LRRFIP1: variants seen among roughly 807,000 people sequenced by gnomAD.
The protein encoded by LRRFIP1 is LRR binding FLII interacting protein 1, also known as leucine-rich repeat flightless-interacting protein 1.
Under a neutral mutation model 104.4 loss-of-function variants are expected in LRRFIP1, and 62 were observed. That is an observed-to-expected ratio of 0.59 (90% CI 0.48 to 0.73). The LOEUF is 0.73. LRRFIP1 is among the 30% of genes least tolerant of loss of function. The pLI is 0.00. For synonymous variants in LRRFIP1, 300 were observed against 299.0 expected (o/e 1.00, Z -0.03); for missense variants, 796 against 824.5 (o/e 0.97, Z 0.42).
intron 1 of LRRFIP1, among the ~76,000 whole-genome samples, chr2:237,673,179 G>GA (rs201006356): frequency 0.015 from 2,222 of 151,018 alleles, 51 homozygotes; most frequent in African/African-American, 0.05. Flanking sequence ...CTGTTTCAGT[G>GA]AAAAAAAAAT....
At chr2:237,664,409 G>C (rs2088771958) in intron 1 of LRRFIP1, among the ~76,000 whole-genome samples, 1 of 152,258 alleles carries the variant, frequency 6.6e-6, no homozygotes, top group South Asian at 2.1e-4. Context: ...ATCAGCAAAT[G>C]ACGGGGCCTC....
chr2:237,719,426 C>T, intron 4 of LRRFIP1, 97 bp from the exon 5 acceptor site: 1 of 760,008 alleles, frequency 1.3e-6, no homozygotes, highest in Non-Finnish European at 2.3e-6. Context: ...ATCAGAACTG[C>T]TGTATTATGG....
rs2094219042 is a variant in LRRFIP1, at chr2:237,713,976, C to T, written c.184-283C>T. Reference sequence around the variant, plus strand: ...AGGAAGTACTTTTTCTCATTGATGGCAATAGGTTATACAGACTTCTGTATT... The same window carrying T: ...AGGAAGTACTTTTTCTCATTGATGGTAATAGGTTATACAGACTTCTGTATT... On this transcript the variant is annotated intron_variant, in intron 2 of 23. Coordinates refer to ENST00000308482, the MANE Select transcript of LRRFIP1 (RefSeq NM_001137550.2). Among the ~76,000 whole-genome samples, 6 of 152,272 alleles carry T rather than the reference C, an allele frequency of 3.9e-5. 1 individual carries two copies. The South Asian group carries it at 1.2e-3, about 32-fold the overall frequency.
At chr2:237,753,279 A>T (rs748236231) in intron 14 of LRRFIP1, 30 bp from the exon 15 acceptor site, 1 of 1,530,934 alleles carries the variant, frequency 6.5e-7, no homozygotes, top group African/African-American at 1.4e-5. Context: ...TTTTTATTGC[A>T]ATTTCAAAAA....
In LRRFIP1 at chr2:237,749,181, A is replaced by C; in HGVS notation, c.670-18A>C. 1 of 1,610,664 alleles carries C rather than the reference A, an allele frequency of 6.2e-7. No homozygotes were observed. The highest frequency in any genetic ancestry group is 8.5e-7 in the Non-Finnish European group (1 of 1,179,094). On this transcript the variant is annotated intron_variant, in intron 12 of 23. Coordinates refer to ENST00000308482, the MANE Select transcript of LRRFIP1 (RefSeq NM_001137550.2). ...CAGAGCTAAACCATATCAGCATGTGATCCTCTCAACGTTCCAGGGGTCTCG... is the reference window on the plus strand; with the variant it reads ...CAGAGCTAAACCATATCAGCATGTGCTCCTCTCAACGTTCCAGGGGTCTCG...
chr2:237,763,005 T>C, intron 19 of LRRFIP1: 1 of 1,614,100 alleles, frequency 6.2e-7, no homozygotes, highest in Non-Finnish European at 8.5e-7. Flanking sequence ...GTGACTCAGG[T>C]TGAAGAGCAG....
rs1209238053 is a variant in LRRFIP1 at position 237,763,350 on chromosome 2, A to T, written c.1459+3145A>T. The T allele has an allele frequency of 3.1e-6, 5 of 1,614,024 alleles. No homozygotes were observed. The highest frequency in any genetic ancestry group is 3.3e-5 in the Admixed American group (2 of 60,006). On this transcript the variant is annotated intron_variant, in intron 19 of 23. Coordinates refer to ENST00000308482, the MANE Select transcript of LRRFIP1 (RefSeq NM_001137550.2). Reference sequence around the variant, plus strand: ...GTAGACACTCAAAATGAACCCTTAGATATGAAAGAGCCCGATGAAGAAAAG... The same window carrying T: ...GTAGACACTCAAAATGAACCCTTAGTTATGAAAGAGCCCGATGAAGAAAAG...
chr2:237,706,379 C>T (rs888897638), intron 1 of LRRFIP1, among the ~76,000 whole-genome samples: 37 of 152,062 alleles, frequency 2.4e-4, no homozygotes, highest in African/African-American at 8.7e-4. Context: ...TCTCTTTTCC[C>T]GGCCCCTCCT....
chr2:237,666,779 G>GTCTCTCTT (rs2089371410), intron 1 of LRRFIP1, among the ~76,000 whole-genome samples: 2 of 144,772 alleles, frequency 1.4e-5, no homozygotes, highest in Non-Finnish European at 3.0e-5. Context: ...CTTTCTCTCT[G>GTCTCTCTT]TCTCTTTCTT....
chr2:237,665,631 T>C (rs954983858), intron 1 of LRRFIP1, among the ~76,000 whole-genome samples: 17 of 152,266 alleles, frequency 1.1e-4, no homozygotes, highest in African/African-American at 4.1e-4. Context: ...ATGTTATTAA[T>C]ATGAAAACCG....
intron 11 of LRRFIP1, among the ~76,000 whole-genome samples, chr2:237,741,970 T>C (rs1412460753): frequency 1.3e-5 from 2 of 152,238 alleles, no homozygotes; most frequent in East Asian, 1.9e-4. Flanking sequence ...CAGTGAGACA[T>C]GACAATTGGA....
intron 7 of LRRFIP1, among the ~76,000 whole-genome samples, chr2:237,724,105 A>T (rs1038667250): frequency 2.0e-5 from 3 of 151,208 alleles, no homozygotes. Context: ...AACTTCCAGT[A>T]ACAAAAACTA....
At chr2:237,723,736 A>G in intron 7 of LRRFIP1, 150 bp downstream of exon 7, 1 of 938,044 alleles carries the variant, frequency 1.1e-6, no homozygotes, top group Non-Finnish European at 1.7e-6. Context: ...TACCCTGCAG[A>G]GTGAGCAGTC....
chr2:237,774,547 G>T (rs1047186891), intron 23 of LRRFIP1, 85 bp downstream of exon 23: 1 of 866,652 alleles, frequency 1.2e-6, no homozygotes. Flanking sequence ...TTACTACTGT[G>T]ACATCTGCCC....
At chr2:237,764,930 A>G in intron 19 of LRRFIP1, 5 of 985,552 alleles carry the variant, frequency 5.1e-6, no homozygotes, top group Non-Finnish European at 6.0e-6. Context: ...GTCAAATTAC[A>G]TTTCCTACTG....
chr2:237,719,016 G>A (rs1322849755), intron 4 of LRRFIP1, among the ~76,000 whole-genome samples: 1 of 152,054 alleles, frequency 6.6e-6, no homozygotes, highest in Non-Finnish European at 1.5e-5. Flanking sequence ...AAGAAAAAAT[G>A]CTAATTATAA....
chr2:237,745,140 C>T (rs548667502), intron 11 of LRRFIP1, among the ~76,000 whole-genome samples: 6 of 152,252 alleles, frequency 3.9e-5, no homozygotes, highest in Non-Finnish European at 8.8e-5. Context: ...AAGGTGGACT[C>T]TGCTGCCTGC....
intron 11 of LRRFIP1, among the ~76,000 whole-genome samples, chr2:237,741,655 C>A (rs867615977): frequency 3.9e-4 from 59 of 151,878 alleles, no homozygotes; most frequent in African/African-American, 1.4e-3. Flanking sequence ...TGGAGAAATC[C>A]CATCTCTACT....
intron 1 of LRRFIP1, among the ~76,000 whole-genome samples, chr2:237,685,456 C>A (rs2092297002): frequency 6.6e-6 from 1 of 152,184 alleles, no homozygotes; most frequent in Non-Finnish European, 1.5e-5. Flanking sequence ...TGCACCTTGA[C>A]TGGGACACAT....
Sources: allele counts gnomAD v4.1 joint callset (sites outside exome capture counted in the v4.1 genomes callset), GRCh38; gene constraint gnomAD v4.1.1; transcripts MANE v1.5; gene names NCBI Gene and HGNC (gene_info 2026-07-23, HGNC 2026-07-21).